ZCCHC17: variants seen among roughly 807,000 people sequenced by gnomAD.
ZCCHC17 encodes the protein zinc finger CCHC-type containing 17.
A neutral mutation model predicts 30.6 loss-of-function variants in ZCCHC17; 18 were observed. That is an observed-to-expected ratio of 0.59 (90% CI 0.41 to 0.87). ZCCHC17 has a LOEUF of 0.87. Ranked by LOEUF, ZCCHC17 falls within the 40% of genes least tolerant of loss-of-function variation. The pLI, the probability that ZCCHC17 is intolerant of heterozygous loss-of-function variation, is 0.00. For synonymous variants in ZCCHC17, 88 were observed against 92.4 expected, an observed-to-expected ratio of 0.95 and a Z score of 0.27; for missense variants, 263 against 284.2, an observed-to-expected ratio of 0.93 and a Z score of 0.54.
At chr1:31,335,930 C>A (rs967934371) in intron 3 of ZCCHC17, among the ~76,000 whole-genome samples, 1 of 152,052 alleles carries the variant, frequency 6.6e-6, no homozygotes, top group Admixed American at 6.6e-5. Flanking sequence ...TGGCTGTTTA[C>A]TTTTTTATTC....
chr1:31,348,467 C>T (rs957668691), intron 6 of ZCCHC17, among the ~76,000 whole-genome samples: 1 of 152,196 alleles, frequency 6.6e-6, no homozygotes, highest in Non-Finnish European at 1.5e-5. Context: ...GCTAAACATC[C>T]TGCTCTCTGG....
Position 31,346,695 on chromosome 1 carries a change from C to T in ZCCHC17, c.373C>T (p.Leu125Phe). The T allele has an allele frequency of 1.2e-6, 2 of 1,614,116 alleles. No homozygotes were observed. The highest frequency in any genetic ancestry group is 1.7e-6 in the Non-Finnish European group (2 of 1,180,010). ...FQDYTGQKITLEAVLNTTCKK... is the reference protein window; with the variant it reads ...FQDYTGQKITFEAVLNTTCKK... ...GGATTACACTGGGCAGAAGATCACC[C>T]TTGAGGCTGTCTTGAACACTACCTG... The change falls in exon 6 of 8, where the codon CTT becomes TTT. Residue 125 changes from leucine to phenylalanine, a missense_variant. Physicochemically the swap from Leu to Phe is conservative, Grantham distance 22. Transcript: ENST00000344147.
intron 1 of ZCCHC17, among the ~76,000 whole-genome samples, chr1:31,301,111 C>T (rs972610822): frequency 1.3e-5 from 2 of 151,932 alleles, no homozygotes; most frequent in Non-Finnish European, 2.9e-5. Flanking sequence ...TTATAAAGTA[C>T]CTTATATATA....
intron 1 of ZCCHC17, among the ~76,000 whole-genome samples, chr1:31,298,383 TTTTG>T (rs1198175823): frequency 1.4e-5 from 2 of 148,012 alleles, no homozygotes; most frequent in South Asian, 2.1e-4. Flanking sequence ...ACCAGTTTTT[TTTTG>T]TTTTTTTTTT....
At chr1:31,333,522 CAAAA>C (rs1557443206) in intron 3 of ZCCHC17, among the ~76,000 whole-genome samples, 1 of 151,246 alleles carries the variant, frequency 6.6e-6, no homozygotes, top group East Asian at 1.9e-4. Flanking sequence ...GACTCCATCT[CAAAA>C]AAATAAAAAA....
At chr1:31,322,034 CAT>C (rs919697504) in intron 3 of ZCCHC17, among the ~76,000 whole-genome samples, 1 of 152,182 alleles carries the variant, frequency 6.6e-6, no homozygotes, top group East Asian at 1.9e-4. Flanking sequence ...TGAATCTACA[CAT>C]GTGGTAAAAT....
chr1:31,360,295 G>C (rs182401855), intron 7 of ZCCHC17, among the ~76,000 whole-genome samples: 2 of 152,146 alleles, frequency 1.3e-5, no homozygotes, highest in Non-Finnish European at 1.5e-5. Context: ...TCAGCCTCCC[G>C]AGTAGCTGGG....
Position 31,304,859 on chromosome 1 carries a change from T to C in ZCCHC17, c.-55-5185T>C, listed in dbSNP as rs142571623. Among the ~76,000 whole-genome samples the C allele has an allele frequency of 5.9e-3, 893 of 152,172 alleles. 72 individuals are homozygous for C. The East Asian group carries it at 0.15, about 25-fold the overall frequency. Reference sequence around the variant, plus strand: ...ATCCACCTGCCTCAGCCTCCCAAAGTGCTGGGATTACAGGCGTGAGCCACC... The same window carrying C: ...ATCCACCTGCCTCAGCCTCCCAAAGCGCTGGGATTACAGGCGTGAGCCACC... On this transcript the variant is annotated intron_variant, in intron 1 of 7. Coordinates refer to ENST00000344147, the MANE Select transcript of ZCCHC17 (RefSeq NM_016505.4).
chr1:31,326,208 C>T (rs1446028272), intron 3 of ZCCHC17, among the ~76,000 whole-genome samples: 4 of 151,906 alleles, frequency 2.6e-5, no homozygotes, highest in African/African-American at 9.7e-5. Context: ...ATGGTCACTT[C>T]TGGGGAGTTG....
rs138783312 is a variant in ZCCHC17 at position 31,305,492 on chromosome 1, G to A, written c.-55-4552G>A. On this transcript the variant is annotated intron_variant, in intron 1 of 7. Transcript: ENST00000344147. The stretch of plus-strand genomic sequence containing the variant: ...TTTAGTAGAGATAGGGTTTTACCGT[G>A]TTGTCCAGGCTGGTCTTGAACTCCT... Among the ~76,000 whole-genome samples the A allele has an allele frequency of 1.3e-3, 198 of 152,280 alleles. 1 individual carries two copies. The highest frequency in any genetic ancestry group is 4.6e-3 in the African/African-American group (192 of 41,544).
rs1646779091 is a variant in ZCCHC17 at position 31,318,113 on chromosome 1, T to C, written c.67-996T>C. On this transcript the variant is annotated intron_variant, in intron 2 of 7. Transcript: ENST00000344147. Reference sequence around the variant, plus strand: ...TTGCATATAGTGAGTATTCAGTATATATTAGTAAATAGCAGTGCAGTCAGG... The same window carrying C: ...TTGCATATAGTGAGTATTCAGTATACATTAGTAAATAGCAGTGCAGTCAGG... 3 of 1,330,368 alleles carry C rather than the reference T, an allele frequency of 2.3e-6. No individual in the cohort carries two copies. In the South Asian group the frequency reaches 4.0e-5, roughly 18 times the overall value. 82.4% of individuals were successfully genotyped at this position (1,330,368 alleles called of 1,614,324 possible).
intron 3 of ZCCHC17, among the ~76,000 whole-genome samples, chr1:31,321,299 T>C (rs1646854750): frequency 6.6e-6 from 1 of 152,144 alleles, no homozygotes; most frequent in Non-Finnish European, 1.5e-5. Flanking sequence ...TGGGCACTTA[T>C]TCTCCTTCCT....
chr1:31,308,788 C>T (rs1646528728), intron 1 of ZCCHC17, among the ~76,000 whole-genome samples: 1 of 152,216 alleles, frequency 6.6e-6, no homozygotes, highest in African/African-American at 2.4e-5. Flanking sequence ...GTTGAAAATG[C>T]ATTATCTCAG....
intron 1 of ZCCHC17, among the ~76,000 whole-genome samples, chr1:31,307,114 G>A (rs973761912): frequency 6.6e-6 from 1 of 151,978 alleles, no homozygotes; most frequent in Non-Finnish European, 1.5e-5. Flanking sequence ...GGGATTACAG[G>A]CGTGAGCCAC....
chr1:31,319,262 A>G, intron 3 of ZCCHC17, 96 bp downstream of exon 3: 1 of 1,024,754 alleles, frequency 9.8e-7, no homozygotes, highest in East Asian at 2.4e-5. Context: ...TTCAGACAGT[A>G]GTTTTTCATT....
rs1014244842 is a variant in ZCCHC17 at position 31,319,335 on chromosome 1, G to T, written c.124+169G>T. 2.0e-5 allele frequency among the ~76,000 whole-genome samples: 3 copies of T among 152,298 alleles called. No homozygotes were observed. In the South Asian group the frequency reaches 6.2e-4, roughly 32 times the overall value. On this transcript the variant is annotated intron_variant, in intron 3 of 7. Transcript: ENST00000344147. ...GATGACAGTTCATTTTTAGCGGGCA[G>T]AGAATTGTGGTCTCTGACTCAGGAG...
intron 4 of ZCCHC17, among the ~76,000 whole-genome samples, chr1:31,338,239 C>T (rs539493306): frequency 6.6e-6 from 1 of 151,614 alleles, no homozygotes; most frequent in Admixed American, 6.6e-5. Flanking sequence ...CCTGCCTTTG[C>T]CTCCCCAAGT....
intron 1 of ZCCHC17, among the ~76,000 whole-genome samples, chr1:31,309,165 A>G (rs1646537969): frequency 6.6e-6 from 1 of 152,190 alleles, no homozygotes; most frequent in Non-Finnish European, 1.5e-5. Flanking sequence ...ATACCTTAGC[A>G]TAGTAGTTAA....
At chr1:31,348,316 C>T (rs1199861880) in intron 6 of ZCCHC17, among the ~76,000 whole-genome samples, 2 of 152,132 alleles carry the variant, frequency 1.3e-5, no homozygotes, top group Non-Finnish European at 2.9e-5. Context: ...CTTGCCAGAC[C>T]TGACAGTCTG....
Sources: gnomAD v4.1 joint callset for allele counts (sites outside exome capture counted in the v4.1 genomes callset) on GRCh38, gnomAD v4.1.1 for gene constraint, MANE v1.5 for transcripts, NCBI Gene and HGNC (gene_info 2026-07-23, HGNC 2026-07-21) for gene names.